TOGARAM2: variants seen among roughly 807,000 people sequenced by gnomAD.
TOGARAM2 encodes the protein TOG array regulator of axonemal microtubules protein 2.
A neutral mutation model predicts 93.3 loss-of-function variants in TOGARAM2; 85 were observed. That is an observed-to-expected ratio of 0.91 (90% CI 0.76 to 1.09). The LOEUF (loss-of-function observed/expected upper bound fraction) is 1.09, where lower values mean the gene tolerates loss of function less well. Ranked by LOEUF, TOGARAM2 falls within the 50% of genes least tolerant of loss-of-function variation. The pLI is 0.00. For missense variants in TOGARAM2, 1,277 were observed against 1,334.5 expected (o/e 0.96, Z 0.67); for synonymous variants, 593 against 552.8 (o/e 1.07, Z -1.02).
chr2:28,964,924 A>G lies in TOGARAM2; in HGVS notation c.-147+8227A>G, dbSNP rs191039182. On this transcript the variant is annotated intron_variant, in intron 1 of 6. Transcript: ENST00000401723. ...TTTGGGTTGATTCCATGTCTTTGCT[A>G]TTGTGAATAGTGCTGCAATGAACAT... Among the ~76,000 whole-genome samples the G allele has an allele frequency of 1.4e-3, 207 of 152,198 alleles. 2 individuals carry two copies. Among genetic ancestry groups the G allele is most frequent in the Non-Finnish European group, 2.1e-3 (143 of 68,024 alleles).
intron 18 of TOGARAM2, among the ~76,000 whole-genome samples, chr2:29,044,983 T>C (rs1461164284): frequency 6.6e-6 from 1 of 152,096 alleles, no homozygotes; most frequent in African/African-American, 2.4e-5. Flanking sequence ...CATCCATCCA[T>C]CCATCTTCTG....
At chr2:28,993,385 C>T (rs1672831692) in intron 1 of TOGARAM2, among the ~76,000 whole-genome samples, 1 of 152,216 alleles carries the variant, frequency 6.6e-6, no homozygotes, top group African/African-American at 2.4e-5. Flanking sequence ...CTGCCACATT[C>T]CTGCTGGACT....
At chr2:28,966,264 T>G (rs1344049344) in intron 1 of TOGARAM2, among the ~76,000 whole-genome samples, 2 of 152,118 alleles carry the variant, frequency 1.3e-5, no homozygotes, top group Non-Finnish European at 2.9e-5. Context: ...GTGCCAGGAT[T>G]ACAGGCGTGA....
intron 10 of TOGARAM2, among the ~76,000 whole-genome samples, chr2:29,020,194 G>T (rs114372663): frequency 0.013 from 1,917 of 152,306 alleles, 34 homozygotes; most frequent in African/African-American, 0.043. Flanking sequence ...GGAACTAAGG[G>T]CCTCAAATAA....
At chr2:29,051,661 C>T in intron 19 of TOGARAM2, 95 bp from the exon 20 acceptor site, 2 of 1,055,654 alleles carry the variant, frequency 1.9e-6, no homozygotes, top group East Asian at 2.7e-5. Flanking sequence ...GCTGGGCTGC[C>T]AGCCCTTTGG....
chr2:29,043,531 T>G (rs72788164), intron 18 of TOGARAM2, among the ~76,000 whole-genome samples: 16,094 of 148,240 alleles, frequency 0.11, 933 homozygotes, highest in East Asian at 0.16. Context: ...CTGGAGAAGG[T>G]CAGCTCCTGG....
chr2:29,005,577 ATG>A (rs1226236760), intron 6 of TOGARAM2, among the ~76,000 whole-genome samples: 3 of 108,652 alleles, frequency 2.8e-5, no homozygotes, highest in African/African-American at 4.0e-5. Context: ...GCATGTGTGT[ATG>A]TGTGTGAGGG....
At chr2:28,980,165 C>T (rs1443764646), upstream of TOGARAM2, among the ~76,000 whole-genome samples, 1 of 152,206 alleles carries the variant, frequency 6.6e-6, no homozygotes, top group Non-Finnish European at 1.5e-5. Flanking sequence ...TCAGCTGTGA[C>T]CTCTGGCTTG....
At chr2:29,017,045 G>A in intron 8 of TOGARAM2, 109 bp from the exon 9 acceptor site, 1 of 1,398,678 alleles carries the variant, frequency 7.1e-7, no homozygotes, top group South Asian at 1.4e-5. Flanking sequence ...TGTCTTTTTT[G>A]TTCACTTCCA....
chr2:28,986,280 T>A (rs1572634129), intron 1 of TOGARAM2, among the ~76,000 whole-genome samples: 1 of 152,186 alleles, frequency 6.6e-6, no homozygotes, highest in East Asian at 1.9e-4. Context: ...GGCTTTCCTA[T>A]GTCTTTTAGA....
chr2:29,001,527 G>T (rs55865968), intron 4 of TOGARAM2, among the ~76,000 whole-genome samples: 5 of 150,886 alleles, frequency 3.3e-5, no homozygotes, highest in Admixed American at 6.6e-5. Context: ...TTGAGACCGA[G>T]TCTTGCTCTG....
Position 29,024,146 on chromosome 2 carries a change from A to C in TOGARAM2, c.1625A>C (p.Asn542Thr). ...CTCTCTCCTCTCTCCAAGGTCACCA[A>C]CCTGCGGTCCAAGGTGTCTCACCTG... The part of the protein sequence containing the change: ...VCLVVTGEVT[N>T]LRSKVSHLAI... Residue 542 changes from asparagine to threonine, a missense_variant, in exon 13 of 20, where the codon AAC (asparagine) becomes ACC (threonine). Transcript: ENST00000379558. 1 of 1,573,662 alleles carries C rather than the reference A, an allele frequency of 6.4e-7. No individual in the cohort carries two copies.
intron 17 of TOGARAM2, 103 bp downstream of exon 17, chr2:29,035,759 G>A (rs1666071410): frequency 8.6e-7 from 1 of 1,156,940 alleles, no homozygotes; most frequent in Admixed American, 3.7e-5. Flanking sequence ...CAGACCCCTT[G>A]CTATGCAGTT....
intron 1 of TOGARAM2, 118 bp from the exon 2 acceptor site, chr2:28,994,607 G>C: frequency 2.3e-6 from 1 of 427,452 alleles, no homozygotes; most frequent in Non-Finnish European, 4.3e-6. Context: ...GCATCCTTTG[G>C]TTTAGTGGCC....
chr2:29,022,438 T>A, intron 11 of TOGARAM2, 130 bp downstream of exon 11: 1 of 1,273,340 alleles, frequency 7.9e-7, no homozygotes, highest in African/African-American at 1.5e-5. Flanking sequence ...AAAAGCCAGT[T>A]TGGAGGGAGG....
intron 6 of TOGARAM2, among the ~76,000 whole-genome samples, chr2:29,007,524 G>T (rs2148311747): frequency 6.6e-6 from 1 of 151,982 alleles, no homozygotes; most frequent in East Asian, 1.9e-4. Context: ...TTCCCTCTTG[G>T]TTTGTACTTC....
At position 29,033,011 on chromosome 2, in the gene TOGARAM2, C is replaced by T. The variant is rs921089575; in HGVS notation, c.2090C>T (p.Ser697Phe). 1.2e-6 allele frequency: 2 copies of T among 1,613,794 alleles called. No homozygotes were observed. Among genetic ancestry groups the T allele is most frequent in the South Asian group, 1.1e-5 (1 of 91,002 alleles). ...FDAFLKQSLP[S>F]YDLQKVMAAI... ...GCATTTCTGAAGCAATCTCTCCCAT[C>T]TTACGACTTGCAGAAGGTCATGGCG... The change falls in exon 15 of 20, where the codon TCT (serine) becomes TTT (phenylalanine). Residue 697 changes from serine (S) to phenylalanine (F), a missense_variant. Transcript: ENST00000379558.
Position 29,014,397 on chromosome 2 carries a change from C to T in TOGARAM2, c.880C>T (p.Pro294Ser). 1 of 1,610,478 alleles carries T rather than the reference C, an allele frequency of 6.2e-7. No homozygotes were observed. Among genetic ancestry groups the T allele is most frequent in the East Asian group, 2.2e-5 (1 of 44,778 alleles). ...PREKTPASLEPKPLASPIRDR... is the reference protein window; with the variant it reads ...PREKTPASLESKPLASPIRDR... Reference sequence around the variant, plus strand: ...CACCCCTGTTCTCAACCCCTCAGAGCCAAAACCTTTGGCCTCACCCATCAG... The same window carrying T: ...CACCCCTGTTCTCAACCCCTCAGAGTCAAAACCTTTGGCCTCACCCATCAG... Residue 294 changes from proline (P) to serine (S), a missense_variant and splice_region_variant, in exon 8 of 20, where the codon CCA becomes TCA. Pro to Ser is a moderately conservative substitution (Grantham distance 74). Coordinates refer to ENST00000379558, the MANE Select transcript of TOGARAM2 (RefSeq NM_199280.4).
intron 1 of TOGARAM2, among the ~76,000 whole-genome samples, chr2:28,957,677 T>C (rs571487665): frequency 6.6e-6 from 1 of 152,266 alleles, no homozygotes; most frequent in Non-Finnish European, 1.5e-5. Flanking sequence ...TGGGCAACAT[T>C]GATAAGGTTT....
Sources: gnomAD v4.1 joint callset for allele counts (sites outside exome capture counted in the v4.1 genomes callset) on GRCh38, gnomAD v4.1.1 for gene constraint, MANE v1.5 for transcripts, NCBI Gene and HGNC (gene_info 2026-07-23, HGNC 2026-07-21) for gene names.